The following DIP2B variants were observed in gnomAD, a reference collection of about 807,000 sequenced individuals.
DIP2B encodes the protein disco-interacting protein 2 homolog B.
In DIP2B, 76 loss-of-function variants were observed where a neutral mutation model predicts 198.0. That is an observed-to-expected ratio of 0.38 (90% CI 0.32 to 0.46). The LOEUF (loss-of-function observed/expected upper bound fraction) is 0.46. Ranked by LOEUF, DIP2B falls within the 20% of genes least tolerant of loss-of-function variation. DIP2B has a pLI of 0.99. For synonymous variants in DIP2B, 701 were observed against 739.1 expected (o/e 0.95, Z 0.84); for missense variants, 1,559 against 1,978.4 (o/e 0.79, Z 4.02).
intron 1 of DIP2B, among the ~76,000 whole-genome samples, chr12:50,559,102 T>TGTACCAAGGTGG (rs1958495611): frequency 6.6e-6 from 1 of 152,180 alleles, no homozygotes; most frequent in South Asian, 2.1e-4. Flanking sequence ...CCCAGTAGCA[T>TGTACCAAGGTGG]GTACCAAGGT....
rs773686822 is a variant in DIP2B at position 50,695,894 on chromosome 12, G to A, written c.1860G>A (p.Met620Ile). The stretch of plus-strand genomic sequence containing the variant: ...GTCGGGACTTGCACTGGGCTATGAT[G>A]GCACATCGGGACCAAAGAGACGTGA... ...VKCRDLHWAMMAHRDQRDVSL... is the reference protein window; with the variant it reads ...VKCRDLHWAMIAHRDQRDVSL... Residue 620 changes from methionine to isoleucine, a missense_variant, in exon 16 of 38, where the codon ATG (methionine) becomes ATA (isoleucine). Met to Ile is a conservative substitution (Grantham distance 10). Coordinates refer to ENST00000301180, the MANE Select transcript of DIP2B (RefSeq NM_173602.3). 1.2e-6 allele frequency: 2 copies of A among 1,614,114 alleles called. No homozygotes were observed. Among genetic ancestry groups the A allele is most frequent in the Non-Finnish European group, 1.7e-6 (2 of 1,179,964 alleles).
intron 15 of DIP2B, 102 bp from the exon 16 acceptor site, chr12:50,695,746 A>G (rs1939299332): frequency 6.7e-7 from 1 of 1,498,036 alleles, no homozygotes; most frequent in African/African-American, 1.4e-5. Context: ...CTCCAAGCAA[A>G]TATCATGATT....
chr12:50,622,104 G>A (rs546487186), intron 1 of DIP2B, among the ~76,000 whole-genome samples: 1 of 152,318 alleles, frequency 6.6e-6, no homozygotes, highest in South Asian at 2.1e-4. Flanking sequence ...AGTGGCCTTT[G>A]TGCCAGGGTA....
At chr12:50,732,677 G>T (rs1592147069) in intron 32 of DIP2B, 141 bp downstream of exon 32, 2 of 1,044,820 alleles carry the variant, frequency 1.9e-6, no homozygotes, top group Admixed American at 5.0e-5. Flanking sequence ...TTTAAATCTC[G>T]ATTTCTTTGT....
At chr12:50,711,720 C>G (rs1169263716) in intron 22 of DIP2B, among the ~76,000 whole-genome samples, 1 of 152,176 alleles carries the variant, frequency 6.6e-6, no homozygotes, top group African/African-American at 2.4e-5. Flanking sequence ...CGCCACCACA[C>G]CCAGCTAATT....
chr12:50,541,103 A>G (rs1476060632), intron 1 of DIP2B, among the ~76,000 whole-genome samples: 8 of 152,204 alleles, frequency 5.3e-5, no homozygotes, highest in Admixed American at 5.2e-4. Flanking sequence ...TAAGGGTCAC[A>G]TGAGAGATTT....
intron 1 of DIP2B, among the ~76,000 whole-genome samples, chr12:50,554,767 C>A (rs1048524128): frequency 7.2e-5 from 11 of 151,764 alleles, no homozygotes; most frequent in Non-Finnish European, 1.5e-4. Context: ...GCTCCCCCCC[C>A]GCCCCTTTTT....
In DIP2B at chr12:50,674,565, C is replaced by T. The variant is rs556670840; in HGVS notation, c.732C>T (p.Pro244=). 3.1e-6 allele frequency: 5 copies of T among 1,614,240 alleles called. No individual in the cohort carries two copies. In the South Asian group the frequency reaches 4.4e-5, roughly 14 times the overall value. Residue 244 remains proline, a synonymous_variant, in exon 6 of 38, where the codon CCC becomes CCT. Transcript: ENST00000301180. ...GCCCAGCAAACATTGACCTGCCCCC[C>T]TCGGGGATAGTTAAAGGCATGCACA... ...SIRPANIDLP[P]SGIVKGMHKG...
intron 1 of DIP2B, among the ~76,000 whole-genome samples, chr12:50,582,215 G>A (rs965164425): frequency 1.5e-5 from 2 of 134,312 alleles, no homozygotes; most frequent in Admixed American, 8.7e-5. Flanking sequence ...TCAATGGTGC[G>A]ATCTCAGCTC....
intron 1 of DIP2B, among the ~76,000 whole-genome samples, chr12:50,594,482 C>G (rs1010635920): frequency 5.9e-5 from 9 of 152,106 alleles, no homozygotes; most frequent in Non-Finnish European, 1.2e-4. Flanking sequence ...AAAAGAAACT[C>G]TTTTGTATTT....
At chr12:50,677,444 G>C (rs1191181524) in intron 7 of DIP2B, among the ~76,000 whole-genome samples, 1 of 151,998 alleles carries the variant, frequency 6.6e-6, no homozygotes, top group Admixed American at 6.6e-5. Flanking sequence ...GTGAAACCCC[G>C]TCTCTACTAA....
chr12:50,731,339 T>C, intron 30 of DIP2B, 30 bp from the exon 31 acceptor site: 1 of 1,603,274 alleles, frequency 6.2e-7, no homozygotes, highest in Non-Finnish European at 8.5e-7. Flanking sequence ...GATGAATTGA[T>C]GATTCCAGCT....
intron 1 of DIP2B, among the ~76,000 whole-genome samples, chr12:50,608,171 A>C (rs1237620410): frequency 6.6e-6 from 1 of 152,240 alleles, no homozygotes; most frequent in African/African-American, 2.4e-5. Context: ...TCCACCAATT[A>C]TTTTTAACTG....
At chr12:50,581,731 A>C (rs1446718359) in intron 1 of DIP2B, among the ~76,000 whole-genome samples, 2 of 151,596 alleles carry the variant, frequency 1.3e-5, no homozygotes, top group Admixed American at 6.6e-5. Context: ...TATCCACTCA[A>C]CTCCTGCTGA....
At chr12:50,656,355 C>A (rs1030759443) in intron 3 of DIP2B, among the ~76,000 whole-genome samples, 1 of 152,128 alleles carries the variant, frequency 6.6e-6, no homozygotes, top group Non-Finnish European at 1.5e-5. Context: ...AAAAGTACCT[C>A]ATGAGCATGG....
chr12:50,579,735 C>G (rs1958706567), intron 1 of DIP2B, among the ~76,000 whole-genome samples: 1 of 124,124 alleles, frequency 8.1e-6, no homozygotes, highest in Non-Finnish European at 1.6e-5. Flanking sequence ...CTTCATGGAC[C>G]CCTGTAATTT....
chr12:50,619,076 T>G (rs1329057266), intron 1 of DIP2B, among the ~76,000 whole-genome samples: 2 of 152,160 alleles, frequency 1.3e-5, no homozygotes, highest in Non-Finnish European at 2.9e-5. Flanking sequence ...TAGCTGTGAC[T>G]TTAAAGCAGG....
At position 50,739,374 on chromosome 12, in the gene DIP2B, C is replaced by T. The variant is rs769511231; in HGVS notation, c.4177-35C>T. On this transcript the variant is annotated intron_variant, in intron 35 of 37. Transcript: ENST00000301180. ...AAGAGAATTAATACAGTTGTGTGTCCCCAGTGAGTTGTGATCAAAGCACTT... is the reference window on the plus strand; with the variant it reads ...AAGAGAATTAATACAGTTGTGTGTCTCCAGTGAGTTGTGATCAAAGCACTT... 3 of 1,587,662 alleles carry T rather than the reference C, an allele frequency of 1.9e-6. No individual in the cohort carries two copies. In the Admixed American group the frequency reaches 5.1e-5, roughly 27 times the overall value.
chr12:50,716,310 T>C (rs1356688657), intron 23 of DIP2B, among the ~76,000 whole-genome samples: 1 of 152,248 alleles, frequency 6.6e-6, no homozygotes, highest in Admixed American at 6.5e-5. Flanking sequence ...GAATACTTTA[T>C]CTTTTTTGAG....
Sources: allele counts gnomAD v4.1 joint callset (sites outside exome capture counted in the v4.1 genomes callset), GRCh38; gene constraint gnomAD v4.1.1; transcripts MANE v1.5; gene names NCBI Gene and HGNC (gene_info 2026-07-23, HGNC 2026-07-21).